The following TSGA10 variants were observed in gnomAD, a reference collection of about 807,000 sequenced individuals.
TSGA10 encodes the protein testis-specific gene 10 protein.
TSGA10 carries 43 observed loss-of-function variants against 96.6 expected under a neutral mutation model. The ratio of observed to expected loss-of-function variants is 0.44; its 90% CI spans 0.35 to 0.57. TSGA10 has a LOEUF of 0.57. Among genes scored for constraint, TSGA10 ranks in the 20% least tolerant of loss-of-function variants. TSGA10 has a pLI of 0.01. For missense variants in TSGA10, 703 were observed against 834.4 expected (o/e 0.84, Z 1.94); for synonymous variants, 229 against 269.9 (o/e 0.85, Z 1.48).
intron 17 of TSGA10, among the ~76,000 whole-genome samples, chr2:99,022,195 CAT>C (rs934459546): frequency 2.6e-5 from 4 of 151,848 alleles, no homozygotes; most frequent in African/African-American, 9.7e-5. Flanking sequence ...GGCATGGTGA[CAT>C]AGGCCTGTAG....
At chr2:99,069,314 T>TAA (rs2085640083) in intron 14 of TSGA10, among the ~76,000 whole-genome samples, 1 of 152,126 alleles carries the variant, frequency 6.6e-6, no homozygotes, top group Admixed American at 6.6e-5. Context: ...TCAGCTATGG[T>TAA]AAAGAATGGG....
At chr2:99,002,720 T>A (rs2078049064) in intron 20 of TSGA10, among the ~76,000 whole-genome samples, 1 of 152,112 alleles carries the variant, frequency 6.6e-6, no homozygotes, top group Non-Finnish European at 1.5e-5. Context: ...GACCCATCAG[T>A]GTGCTGTATT....
chr2:99,109,877 C>T (rs2104847652), intron 5 of TSGA10, among the ~76,000 whole-genome samples: 1 of 152,070 alleles, frequency 6.6e-6, no homozygotes, highest in East Asian at 1.9e-4. Flanking sequence ...AAAACATATG[C>T]TACTAGGCTG....
intron 16 of TSGA10, among the ~76,000 whole-genome samples, chr2:99,038,635 T>C (rs979435590): frequency 2.0e-5 from 3 of 152,132 alleles, no homozygotes; most frequent in South Asian, 4.1e-4. Flanking sequence ...GCATCTAACA[T>C]TGGAGCTCCC....
chr2:99,124,615 CG>C (rs1474276526), intron 2 of TSGA10, among the ~76,000 whole-genome samples: 1 of 151,940 alleles, frequency 6.6e-6, no homozygotes, highest in East Asian at 1.9e-4. Flanking sequence ...GACAGAATCT[CG>C]GTCTGTCGCC....
chr2:99,141,898 C>T (rs2093567852), intron 1 of TSGA10: 1 of 152,348 alleles, frequency 6.6e-6, no homozygotes, highest in South Asian at 2.1e-4. Flanking sequence ...AGGTCCAGCC[C>T]TCCCGCTGCA....
intron 1 of TSGA10, among the ~76,000 whole-genome samples, chr2:99,139,648 T>C (rs185002288): frequency 3.3e-5 from 5 of 152,100 alleles, no homozygotes; most frequent in South Asian, 2.1e-4. Context: ...TAAAAATAAG[T>C]GGATAAATAT....
intron 16 of TSGA10, among the ~76,000 whole-genome samples, chr2:99,049,675 C>T (rs1365462875): frequency 6.6e-6 from 1 of 151,474 alleles, no homozygotes; most frequent in Non-Finnish European, 1.5e-5. Context: ...CATGTGTACA[C>T]CTATGTAACA....
intron 17 of TSGA10, among the ~76,000 whole-genome samples, chr2:99,023,795 A>C (rs1370246856): frequency 2.0e-5 from 3 of 152,112 alleles, no homozygotes; most frequent in Admixed American, 2.0e-4. Flanking sequence ...TGATTACTTC[A>C]GTTTTGCAGC....
rs1178078273 is a variant in TSGA10, at chr2:99,078,821, T to C, written c.728-8A>G. ...TTTGCCTTGTAAAGTTATCTATGTATGCAATCATAAAAGTGTTGTTTTAAT... is the reference window on the plus strand; with the variant it reads ...TTTGCCTTGTAAAGTTATCTATGTACGCAATCATAAAAGTGTTGTTTTAAT... On this transcript the variant is annotated splice_polypyrimidine_tract_variant and splice_region_variant and intron_variant, in intron 11 of 20. Coordinates refer to ENST00000393483, the MANE Select transcript of TSGA10 (RefSeq NM_025244.4). 1.9e-6 allele frequency: 3 copies of C among 1,602,780 alleles called. No individual in the cohort carries two copies. Among genetic ancestry groups the C allele is most frequent in the Non-Finnish European group, 2.5e-6 (3 of 1,176,584 alleles).
intron 2 of TSGA10, among the ~76,000 whole-genome samples, chr2:99,118,956 T>C (rs1337054578): frequency 6.6e-6 from 1 of 152,030 alleles, no homozygotes; most frequent in Non-Finnish European, 1.5e-5. Flanking sequence ...ACTGTGTTAG[T>C]ACCCTGTAAA....
chr2:99,150,602 T>C (rs1347871269), intron 1 of TSGA10: 2 of 1,613,960 alleles, frequency 1.2e-6, no homozygotes, highest in Non-Finnish European at 1.7e-6. Flanking sequence ...GTATCTGCTA[T>C]ACATATGGAT....
intron 4 of TSGA10, among the ~76,000 whole-genome samples, chr2:99,116,478 C>G (rs1275798829): frequency 6.6e-6 from 1 of 152,102 alleles, no homozygotes; most frequent in Non-Finnish European, 1.5e-5. Flanking sequence ...TCACAGATAT[C>G]TGAGAATTTA....
At chr2:99,037,760 G>T (rs141910170) in intron 16 of TSGA10, among the ~76,000 whole-genome samples, 20 of 152,268 alleles carry the variant, frequency 1.3e-4, no homozygotes, top group African/African-American at 4.6e-4. Context: ...TGAGGCAGAA[G>T]AATCATGTGA....
chr2:99,054,429 G>A (rs2083752989), intron 16 of TSGA10, among the ~76,000 whole-genome samples: 2 of 152,060 alleles, frequency 1.3e-5, no homozygotes. Flanking sequence ...AAAATGGAGA[G>A]GAAATGCTTC....
At chr2:99,055,914 C>T (rs2083931297) in intron 16 of TSGA10, among the ~76,000 whole-genome samples, 2 of 136,246 alleles carry the variant, frequency 1.5e-5, no homozygotes, top group Admixed American at 1.4e-4. Flanking sequence ...AAGAAAATAA[C>T]AATAGTCGGC....
chr2:99,104,961 TTAAA>T (rs1338357385), intron 9 of TSGA10, among the ~76,000 whole-genome samples: 1 of 152,228 alleles, frequency 6.6e-6, no homozygotes, highest in Non-Finnish European at 1.5e-5. Context: ...TAAATTTAGT[TTAAA>T]TAAACTTTGC....
At chr2:99,122,800 AAAAG>A (rs1252896047) in intron 2 of TSGA10, among the ~76,000 whole-genome samples, 5 of 151,824 alleles carry the variant, frequency 3.3e-5, no homozygotes, top group African/African-American at 4.8e-5. Flanking sequence ...CCAAAAAAAA[AAAAG>A]AAAGAAAGAA....
At chr2:99,129,834 G>T (rs1221388596) in intron 1 of TSGA10, among the ~76,000 whole-genome samples, 3 of 152,100 alleles carry the variant, frequency 2.0e-5, no homozygotes, top group African/African-American at 7.2e-5. Context: ...TCCCCTCCCT[G>T]TGTCCATGAG....
Sources: gnomAD v4.1 joint callset for allele counts (sites outside exome capture counted in the v4.1 genomes callset) on GRCh38, gnomAD v4.1.1 for gene constraint, MANE v1.5 for transcripts, NCBI Gene and HGNC (gene_info 2026-07-23, HGNC 2026-07-21) for gene names.